Variants in IP6K1 observed in about 807,000 individuals in gnomAD.
IP6K1 encodes inositol hexakisphosphate kinase 1.
Under a neutral mutation model 38.3 loss-of-function variants are expected in IP6K1, and 13 were observed. The observed-to-expected ratio is 0.34, with a 90% CI of 0.22 to 0.54. The LOEUF (loss-of-function observed/expected upper bound fraction) is 0.54. Ranked by LOEUF, IP6K1 falls within the 20% of genes least tolerant of loss-of-function variation. The probability of loss-of-function intolerance (pLI) is 0.92; values close to 1 mark genes in which losing one functional copy is unlikely to be tolerated. For synonymous variants in IP6K1, 212 were observed against 229.9 expected (o/e 0.92, Z 0.70); for missense variants, 397 against 599.8 (o/e 0.66, Z 3.53).
intron 1 of IP6K1, among the ~76,000 whole-genome samples, chr3:49,765,784 T>C (rs1031061014): frequency 2.6e-5 from 4 of 151,926 alleles, no homozygotes; most frequent in Non-Finnish European, 5.9e-5. Context: ...GGCTCACACC[T>C]GTAATCCCAG....
chr3:49,778,476 T>C (rs1427732633), intron 1 of IP6K1, among the ~76,000 whole-genome samples: 2 of 151,020 alleles, frequency 1.3e-5, no homozygotes, highest in Non-Finnish European at 2.9e-5. Flanking sequence ...CTACTAAAAA[T>C]ACAAAAATTA....
At chr3:49,756,834 A>AG (rs1389827601) in intron 1 of IP6K1, among the ~76,000 whole-genome samples, 16 of 149,468 alleles carry the variant, frequency 1.1e-4, no homozygotes, top group South Asian at 2.1e-4. Context: ...AAAAAAAAAA[A>AG]AAAAAAAGAA....
At chr3:49,779,692 CTT>C (rs1489154737) in intron 1 of IP6K1, among the ~76,000 whole-genome samples, 1 of 151,908 alleles carries the variant, frequency 6.6e-6, no homozygotes, top group African/African-American at 2.4e-5. Flanking sequence ...CCAAATTTTT[CTT>C]TTCTTTTTAG....
At chr3:49,738,689 C>T (rs773213888) in intron 2 of IP6K1, among the ~76,000 whole-genome samples, 35 of 152,216 alleles carry the variant, frequency 2.3e-4, no homozygotes, top group Non-Finnish European at 5.0e-4. Context: ...CTTTCAATTA[C>T]TGATTTTTTG....
chr3:49,775,781 T>C (rs1394570736), intron 1 of IP6K1, among the ~76,000 whole-genome samples: 1 of 151,906 alleles, frequency 6.6e-6, no homozygotes, highest in Non-Finnish European at 1.5e-5. Context: ...AGACATGTGG[T>C]AGGGATGGAA....
intron 2 of IP6K1, among the ~76,000 whole-genome samples, chr3:49,745,450 T>C (rs2080712018): frequency 6.6e-6 from 1 of 152,184 alleles, no homozygotes; most frequent in Non-Finnish European, 1.5e-5. Context: ...AGGCCAGTCA[T>C]GGTGGCTCAC....
At chr3:49,736,894 C>T (rs570694960) in intron 3 of IP6K1, among the ~76,000 whole-genome samples, 3 of 151,608 alleles carry the variant, frequency 2.0e-5, no homozygotes, top group African/African-American at 7.3e-5. Context: ...GCCTTAGCCT[C>T]CCGAGTAGCT....
chr3:49,746,540 CAT>C (rs1356432086), intron 2 of IP6K1, among the ~76,000 whole-genome samples: 1 of 136,494 alleles, frequency 7.3e-6, no homozygotes, highest in African/African-American at 2.7e-5. Flanking sequence ...CGTGGTGGCA[CAT>C]GTCTGTAATC....
intron 2 of IP6K1, among the ~76,000 whole-genome samples, chr3:49,742,317 AG>A (rs2080675455): frequency 6.6e-6 from 1 of 152,304 alleles, no homozygotes; most frequent in East Asian, 1.9e-4. Context: ...TGGGAGGCTG[AG>A]GGGGGCGGAT....
At chr3:49,759,589 C>T (rs1187491336) in intron 1 of IP6K1, among the ~76,000 whole-genome samples, 1 of 152,134 alleles carries the variant, frequency 6.6e-6, no homozygotes, top group East Asian at 1.9e-4. Context: ...CTCTTTCAGA[C>T]ACCACACATC....
intron 1 of IP6K1, among the ~76,000 whole-genome samples, chr3:49,773,870 A>G (rs1240666024): frequency 6.6e-6 from 1 of 151,934 alleles, no homozygotes; most frequent in Non-Finnish European, 1.5e-5. Flanking sequence ...TAAGTTTCAG[A>G]ATATTCACTA....
chr3:49,734,656 C>A (rs554467971), intron 3 of IP6K1, among the ~76,000 whole-genome samples: 1 of 152,204 alleles, frequency 6.6e-6, no homozygotes, highest in East Asian at 1.9e-4. Flanking sequence ...CAGTGCCTCT[C>A]GGAATGATAA....
chr3:49,739,817 C>T (rs1161906656), intron 2 of IP6K1, among the ~76,000 whole-genome samples: 2 of 151,982 alleles, frequency 1.3e-5, no homozygotes, highest in African/African-American at 2.4e-5. Flanking sequence ...GAGTTCCACA[C>T]CAGCCTGGCC....
chr3:49,726,927 G>T lies in IP6K1; in HGVS notation c.*195C>A. 1 of 576,154 alleles carries T rather than the reference G, an allele frequency of 1.7e-6. No individual in the cohort carries two copies. The allele number at this position is 576,154 out of a possible 1,614,324, so 35.7% of individuals were successfully genotyped here. A position where few individuals can be genotyped will look rare whatever the true frequency, so the allele number is the denominator to read the frequency against. On this transcript the variant is annotated 3_prime_UTR_variant, in exon 6 of 6. Coordinates refer to ENST00000321599, the MANE Select transcript of IP6K1 (RefSeq NM_153273.4). Reference sequence around the variant, plus strand: ...AGCCACAAAGCTGAGGAGCCTGGCTGAGAGGGCGTGTGGTCTGCCCTCCTT... The same window carrying T: ...AGCCACAAAGCTGAGGAGCCTGGCTTAGAGGGCGTGTGGTCTGCCCTCCTT...
At chr3:49,765,987 T>A (rs1273994304) in intron 1 of IP6K1, among the ~76,000 whole-genome samples, 1 of 151,636 alleles carries the variant, frequency 6.6e-6, no homozygotes, top group African/African-American at 2.4e-5. Flanking sequence ...CCATCCTGGC[T>A]AACATGGTGA....
Position 49,728,109 on chromosome 3 carries a change from G to A in IP6K1, c.786C>T (p.Gly262=). ...CTGAGCAGAGGTAACTCACCTGCATGCCGCAGACCCTGACGCCCAGCGTGG... is the reference window on the plus strand; with the variant it reads ...CTGAGCAGAGGTAACTCACCTGCATACCGCAGACCCTGACGCCCAGCGTGG... ...TSATLGVRVC[G]MQVYQLDTGH... Residue 262 remains glycine (G), a synonymous_variant, in exon 5 of 6, where the codon GGC becomes GGT. Coordinates refer to ENST00000321599, the MANE Select transcript of IP6K1 (RefSeq NM_153273.4). 1 of 1,612,884 alleles carries A rather than the reference G, an allele frequency of 6.2e-7. No individual in the cohort carries two copies. Among genetic ancestry groups the A allele is most frequent in the Non-Finnish European group, 8.5e-7 (1 of 1,179,236 alleles).
chr3:49,750,964 A>AC (rs2080771704), intron 1 of IP6K1, among the ~76,000 whole-genome samples: 1 of 152,162 alleles, frequency 6.6e-6, no homozygotes, highest in South Asian at 2.1e-4. Context: ...TAGTGGAAGT[A>AC]CCCCAGAACC....
intron 1 of IP6K1, among the ~76,000 whole-genome samples, chr3:49,762,099 G>GCAC (rs1326504838): frequency 6.6e-6 from 1 of 152,086 alleles, no homozygotes. Flanking sequence ...CTACAGGTAT[G>GCAC]CACCACCATG....
intron 3 of IP6K1, among the ~76,000 whole-genome samples, chr3:49,737,912 C>T (rs749708143): frequency 2.0e-5 from 3 of 152,190 alleles, no homozygotes; most frequent in Non-Finnish European, 4.4e-5. Flanking sequence ...AACCTTCTGT[C>T]CTGTGGGTGG....
Sources: gnomAD v4.1 joint callset for allele counts (sites outside exome capture counted in the v4.1 genomes callset) on GRCh38, gnomAD v4.1.1 for gene constraint, MANE v1.5 for transcripts, NCBI Gene and HGNC (gene_info 2026-07-23, HGNC 2026-07-21) for gene names.